ADGRB3: variants seen among roughly 807,000 people sequenced by gnomAD.
ADGRB3 encodes the protein brain-specific angiogenesis inhibitor 3.
In ADGRB3, 37 loss-of-function variants were observed where a neutral mutation model predicts 193.4. The ratio of observed to expected loss-of-function variants is 0.19; its 90% CI spans 0.15 to 0.25. ADGRB3 has a LOEUF of 0.25. ADGRB3 is among the 10% of genes least tolerant of loss of function. The pLI, the probability that ADGRB3 is intolerant of heterozygous loss-of-function variation, is 1.00. For synonymous variants in ADGRB3, 690 were observed against 644.2 expected (o/e 1.07, Z -1.08); for missense variants, 1,637 against 1,852.9 (o/e 0.88, Z 2.14).
At chr6:69,000,234 T>A (rs1437754689) in intron 11 of ADGRB3, among the ~76,000 whole-genome samples, 3 of 152,222 alleles carry the variant, frequency 2.0e-5, no homozygotes, top group Non-Finnish European at 4.4e-5. Flanking sequence ...TCATTGTTTG[T>A]GATAGGTATA....
intron 3 of ADGRB3, among the ~76,000 whole-genome samples, chr6:68,789,058 G>T (rs917923384): frequency 3.3e-5 from 5 of 152,044 alleles, no homozygotes; most frequent in Non-Finnish European, 7.4e-5. Flanking sequence ...CTCTGCACGT[G>T]AGATGGGTTT....
chr6:68,984,944 G>T (rs893269643), intron 10 of ADGRB3, among the ~76,000 whole-genome samples: 2 of 151,952 alleles, frequency 1.3e-5, no homozygotes, highest in African/African-American at 4.8e-5. Context: ...CATTAGCTAA[G>T]AGTGAGGATT....
intron 24 of ADGRB3, 63 bp from the exon 25 acceptor site, chr6:69,338,853 C>A: frequency 6.9e-7 from 1 of 1,444,516 alleles, no homozygotes; most frequent in Non-Finnish European, 9.6e-7. Flanking sequence ...CTTGAAGCAG[C>A]AATTTTTTTT....
chr6:69,143,607 C>T (rs931171294), intron 17 of ADGRB3, among the ~76,000 whole-genome samples: 5 of 152,184 alleles, frequency 3.3e-5, no homozygotes, highest in East Asian at 1.9e-4. Flanking sequence ...TATGGATATC[C>T]GGCTTTCTTA....
rs1375289176 is a variant in ADGRB3 at position 69,031,026 on chromosome 6, CCTCTT to C, written c.2107+12537_2107+12541del. ...CTTTCTTTTCTTTTCTTTTTTTTTT[CCTCTT>C]CTCTTCTCTCTTCTCTTCTCTTCTC... is the stretch of plus-strand genomic sequence containing the variant. On this transcript the variant is annotated intron_variant, in intron 13 of 31. Transcript: ENST00000370598. Among the ~76,000 whole-genome samples, 24 of 26,884 alleles carry C rather than the reference CCTCTT, an allele frequency of 8.9e-4. 4 individuals are homozygous for C. The highest frequency in any genetic ancestry group is 5.1e-3 in the African/African-American group (23 of 4,550). The allele number at this position is 26,884 out of a possible 152,430, so 17.6% of individuals were successfully genotyped here.
intron 17 of ADGRB3, among the ~76,000 whole-genome samples, chr6:69,115,439 C>T (rs1773502438): frequency 6.7e-6 from 1 of 149,918 alleles, no homozygotes; most frequent in Non-Finnish European, 1.5e-5. Flanking sequence ...ACCCTGGGGC[C>T]AGACTGGGGG....
intron 17 of ADGRB3, among the ~76,000 whole-genome samples, chr6:69,092,589 G>A (rs1034525723): frequency 6.6e-6 from 1 of 152,190 alleles, no homozygotes; most frequent in African/African-American, 2.4e-5. Context: ...GCAAGTTACT[G>A]GCTGGGCACT....
chr6:69,073,583 T>C (rs1365311066), intron 16 of ADGRB3, among the ~76,000 whole-genome samples: 2 of 152,116 alleles, frequency 1.3e-5, no homozygotes, highest in African/African-American at 2.4e-5. Context: ...AATTCCAGTT[T>C]CCACCCCAGG....
At chr6:69,106,495 C>G (rs1773220302) in intron 17 of ADGRB3, among the ~76,000 whole-genome samples, 1 of 152,158 alleles carries the variant, frequency 6.6e-6, no homozygotes, top group Admixed American at 6.6e-5. Flanking sequence ...TCCTCCCTTC[C>G]ATAAGAAAGT....
intron 20 of ADGRB3, among the ~76,000 whole-genome samples, chr6:69,267,948 G>C (rs1394983644): frequency 2.0e-5 from 3 of 151,982 alleles, no homozygotes; most frequent in Non-Finnish European, 4.4e-5. Context: ...TGAACTTTTT[G>C]TGTGGCCCAC....
chr6:68,955,113 C>A (rs1768036051), intron 6 of ADGRB3, among the ~76,000 whole-genome samples: 1 of 152,170 alleles, frequency 6.6e-6, no homozygotes, highest in Admixed American at 6.5e-5. Flanking sequence ...TGACCTTCAT[C>A]CAGTTCCTGG....
At chr6:68,659,126 T>C (rs1029427159) in intron 3 of ADGRB3, among the ~76,000 whole-genome samples, 3 of 151,008 alleles carry the variant, frequency 2.0e-5, no homozygotes, top group Non-Finnish European at 4.5e-5. Flanking sequence ...TAGAAAAAAA[T>C]AAATCCTGAT....
At chr6:68,736,578 G>T (rs376640054) in intron 3 of ADGRB3, among the ~76,000 whole-genome samples, 43 of 152,222 alleles carry the variant, frequency 2.8e-4, no homozygotes, top group African/African-American at 1.0e-3. Context: ...AGAGACTGAA[G>T]CTGGAAAGCC....
chr6:69,043,082 T>G lies in ADGRB3; in HGVS notation c.2108-5103T>G, dbSNP rs529254730. On this transcript the variant is annotated intron_variant, in intron 13 of 31. Coordinates refer to ENST00000370598, the MANE Select transcript of ADGRB3 (RefSeq NM_001704.3). Reference sequence around the variant, plus strand: ...ATGGTCTTGGCTGCAGTGGAAATACTGAATTTGACATTCTTGATGCAGTGA... The same window carrying G: ...ATGGTCTTGGCTGCAGTGGAAATACGGAATTTGACATTCTTGATGCAGTGA... Among the ~76,000 whole-genome samples, 4 of 152,250 alleles carry G rather than the reference T, an allele frequency of 2.6e-5. No homozygotes were observed. The East Asian group carries it at 7.7e-4, about 29-fold the overall frequency.
At chr6:69,300,266 CA>C (rs1767921190) in intron 20 of ADGRB3, among the ~76,000 whole-genome samples, 1 of 151,694 alleles carries the variant, frequency 6.6e-6, no homozygotes. Flanking sequence ...TGAAATTAAA[CA>C]TTCCGTAATG....
At chr6:69,022,219 T>TA (rs1030050991) in intron 13 of ADGRB3, among the ~76,000 whole-genome samples, 2 of 151,652 alleles carry the variant, frequency 1.3e-5, no homozygotes, top group East Asian at 1.9e-4. Context: ...TGCCTCTTTT[T>TA]AAAAAAAATT....
intron 3 of ADGRB3, among the ~76,000 whole-genome samples, chr6:68,924,244 C>T (rs1767120152): frequency 6.6e-6 from 1 of 151,988 alleles, no homozygotes; most frequent in African/African-American, 2.4e-5. Context: ...TGATTACACA[C>T]ATTGATGAAT....
At chr6:68,988,098 G>A (rs1161417587) in intron 10 of ADGRB3, among the ~76,000 whole-genome samples, 1 of 152,074 alleles carries the variant, frequency 6.6e-6, no homozygotes, top group African/African-American at 2.4e-5. Flanking sequence ...AATTCAGCAA[G>A]CCCTTTGAAC....
At chr6:69,120,723 T>A (rs2150329440) in intron 17 of ADGRB3, among the ~76,000 whole-genome samples, 1 of 152,282 alleles carries the variant, frequency 6.6e-6, no homozygotes, top group East Asian at 1.9e-4. Flanking sequence ...TTTTTTTTGC[T>A]AAAATTATCT....
Sources: allele counts gnomAD v4.1 joint callset (sites outside exome capture counted in the v4.1 genomes callset), GRCh38; gene constraint gnomAD v4.1.1; transcripts MANE v1.5; gene names NCBI Gene and HGNC (gene_info 2026-07-23, HGNC 2026-07-21).